The following CAMTA1 variants were observed in gnomAD, a reference collection of about 807,000 sequenced individuals.
CAMTA1 encodes calmodulin binding transcription activator 1.
In CAMTA1, 27 loss-of-function variants were observed where a neutral mutation model predicts 170.9. The observed-to-expected ratio is 0.16, with a 90% confidence interval of 0.12 to 0.22. The LOEUF is 0.22. Ranked by LOEUF, CAMTA1 falls within the 10% of genes least tolerant of loss-of-function variation. The pLI is 1.00. For synonymous variants in CAMTA1, 833 were observed against 891.5 expected (o/e 0.93, Z 1.17); for missense variants, 1,619 against 2,217.2 (o/e 0.73, Z 5.42).
chr1:7,042,596 A>G (rs11578384), intron 3 of CAMTA1, among the ~76,000 whole-genome samples: 28,237 of 152,188 alleles, frequency 0.19, 2,940 homozygotes, highest in Non-Finnish European at 0.25. Flanking sequence ...TGGCATTGAG[A>G]TGCCACCAGC....
At chr1:7,569,682 A>G (rs1278200044) in intron 6 of CAMTA1, among the ~76,000 whole-genome samples, 1 of 150,572 alleles carries the variant, frequency 6.6e-6, no homozygotes, top group Non-Finnish European at 1.5e-5. Flanking sequence ...CATCACTACC[A>G]TCATTCTCCA....
chr1:7,738,006 A>G lies in CAMTA1; in HGVS notation c.3706A>G (p.Ser1236Gly). ...ACCCTCTAATTACTACAGCAGTGAG[A>G]GCCACAAAGATTATCCGGCTCCCAA... ...SEPSNYYSSE[S>G]HKDYPAPKKH... The change falls in exon 16 of 23, where the codon AGC becomes GGC. Residue 1236 changes from serine (S) to glycine (G), a missense_variant. Ser to Gly is a moderately conservative substitution (Grantham distance 56, BLOSUM62 0). Coordinates refer to ENST00000303635, the MANE Select transcript of CAMTA1 (RefSeq NM_015215.4). The surrounding 1 kb of genome is among the most constrained non-coding windows in gnomAD (Gnocchi z 4.9). 1 of 1,614,016 alleles carries G rather than the reference A, an allele frequency of 6.2e-7. No homozygotes were observed. Among genetic ancestry groups the G allele is most frequent in the Non-Finnish European group, 8.5e-7 (1 of 1,179,970 alleles).
At chr1:6,973,000 C>T (rs1207755138) in intron 3 of CAMTA1, among the ~76,000 whole-genome samples, 1 of 151,976 alleles carries the variant, frequency 6.6e-6, no homozygotes, top group African/African-American at 2.4e-5. Flanking sequence ...TACAGGCACC[C>T]ACCACCATGC....
chr1:6,817,792 C>T (rs74051000), intron 1 of CAMTA1, among the ~76,000 whole-genome samples: 3 of 152,138 alleles, frequency 2.0e-5, no homozygotes, highest in South Asian at 2.1e-4. Flanking sequence ...GCCACTGTGC[C>T]TAGCTCAGTA....
chr1:7,247,827 T>C (rs1666051387), intron 4 of CAMTA1, among the ~76,000 whole-genome samples: 2 of 152,182 alleles, frequency 1.3e-5, no homozygotes, highest in Admixed American at 1.3e-4. Flanking sequence ...CATGCAAGCC[T>C]ACCTGCCATT....
At chr1:6,791,967 C>T (rs1641222799) in intron 1 of CAMTA1, among the ~76,000 whole-genome samples, 2 of 150,906 alleles carry the variant, frequency 1.3e-5, no homozygotes, top group South Asian at 4.2e-4. Flanking sequence ...GAAAGTGTTT[C>T]TTTTCTTTTT....
chr1:7,340,716 GCATCCATC>G (rs60556819), intron 5 of CAMTA1, among the ~76,000 whole-genome samples: 34,653 of 146,592 alleles, frequency 0.24, 4,565 homozygotes, highest in East Asian at 0.54. Context: ...TTCCACCTGT[GCATCCATC>G]CATCCATCCA....
intron 3 of CAMTA1, among the ~76,000 whole-genome samples, chr1:6,927,295 C>T (rs541816283): frequency 3.9e-5 from 6 of 152,200 alleles, no homozygotes; most frequent in East Asian, 1.9e-4. Context: ...AGCCTCCCAA[C>T]GCGCTGAGAC....
chr1:7,381,651 G>A (rs61772166), intron 5 of CAMTA1, among the ~76,000 whole-genome samples: 1 of 149,754 alleles, frequency 6.7e-6, no homozygotes, highest in East Asian at 1.9e-4. Context: ...ATGATTTATA[G>A]TCCTTTGGGT....
chr1:7,552,197 C>A (rs2094812680), intron 6 of CAMTA1, among the ~76,000 whole-genome samples: 2 of 152,230 alleles, frequency 1.3e-5, no homozygotes, highest in Admixed American at 1.3e-4. Flanking sequence ...CCACACCCCC[C>A]CAGTGCCACC....
At chr1:7,650,184 G>A (rs760559307) in intron 7 of CAMTA1, among the ~76,000 whole-genome samples, 11 of 152,206 alleles carry the variant, frequency 7.2e-5, no homozygotes, top group East Asian at 1.9e-4. Flanking sequence ...GCTGCCAGGC[G>A]GCCGGCACTC....
chr1:7,654,983 T>C (rs200507149), intron 7 of CAMTA1, among the ~76,000 whole-genome samples: 13 of 123,166 alleles, frequency 1.1e-4, no homozygotes, highest in East Asian at 3.8e-4. Context: ...CACACACACC[T>C]ATACACACAC....
intron 1 of CAMTA1, among the ~76,000 whole-genome samples, chr1:6,819,846 A>C (rs1646281595): frequency 6.6e-6 from 1 of 152,250 alleles, no homozygotes; most frequent in Non-Finnish European, 1.5e-5. Context: ...ACACTGAGAC[A>C]TTCCTACTCT....
intron 1 of CAMTA1, among the ~76,000 whole-genome samples, chr1:6,816,201 A>G (rs1645787395): frequency 6.6e-6 from 1 of 152,182 alleles, no homozygotes; most frequent in African/African-American, 2.4e-5. Context: ...CCACTCCACC[A>G]TGGCTGTACA....
At chr1:7,313,127 G>A (rs1676991633) in intron 5 of CAMTA1, among the ~76,000 whole-genome samples, 1 of 152,164 alleles carries the variant, frequency 6.6e-6, no homozygotes, top group African/African-American at 2.4e-5. Flanking sequence ...ATCTAGGGTA[G>A]GGCCTCTGGC....
chr1:7,312,756 T>G (rs774479330), intron 5 of CAMTA1, among the ~76,000 whole-genome samples: 2 of 152,048 alleles, frequency 1.3e-5, no homozygotes, highest in Admixed American at 1.3e-4. Context: ...GATGGCTTTA[T>G]TTATTTATTT....
intron 6 of CAMTA1, among the ~76,000 whole-genome samples, chr1:7,584,102 T>C (rs1465092740): frequency 6.6e-6 from 1 of 152,140 alleles, no homozygotes; most frequent in Non-Finnish European, 1.5e-5. Context: ...TCTTTCTTTG[T>C]GCCACAATTC....
chr1:7,755,438 A>G (rs548812133), intron 21 of CAMTA1, among the ~76,000 whole-genome samples, 200 bp from the exon 22 acceptor site: 1 of 151,926 alleles, frequency 6.6e-6, no homozygotes, highest in East Asian at 1.9e-4. Flanking sequence ...TCTAAGTCAT[A>G]TGACCCCAAT....
rs375821628 is a variant in CAMTA1 at position 7,586,835 on chromosome 1, C to A, written c.511-53565C>A. 4.6e-5 allele frequency among the ~76,000 whole-genome samples: 7 copies of A among 152,016 alleles called. No homozygotes were observed. In the East Asian group the frequency reaches 7.7e-4, roughly 17 times the overall value. On this transcript the variant is annotated intron_variant, in intron 6 of 22. Coordinates refer to ENST00000303635, the MANE Select transcript of CAMTA1 (RefSeq NM_015215.4). The stretch of plus-strand genomic sequence containing the variant: ...GGTCATGTGGCTCCCACGGTGGCTG[C>A]GGTGGAACTGAGGTGCCCCTTGCTG...
Sources: gnomAD v4.1 joint callset for allele counts (sites outside exome capture counted in the v4.1 genomes callset) on GRCh38, gnomAD v4.1.1 for gene constraint, Gnocchi (gnomAD v3.1) non-coding constraint, MANE v1.5 for transcripts, NCBI Gene and HGNC (gene_info 2026-07-23, HGNC 2026-07-21) for gene names.